The following MYH4 variants were observed in gnomAD, a reference collection of about 807,000 sequenced individuals.
The protein encoded by MYH4 is myosin heavy chain 4.
In MYH4, 200 loss-of-function variants were observed where a neutral mutation model predicts 229.9. That is an observed-to-expected ratio of 0.87 (90% CI 0.78 to 0.98). The LOEUF is 0.98. Among genes scored for constraint, MYH4 ranks in the 50% least tolerant of loss-of-function variants. MYH4 has a pLI of 0.00. For synonymous variants in MYH4, 761 were observed against 834.6 expected, an observed-to-expected ratio of 0.91 and a Z score of 1.52; for missense variants, 2,148 against 2,332.6, an observed-to-expected ratio of 0.92 and a Z score of 1.63.
intron 25 of MYH4, 80 bp from the exon 26 acceptor site, chr17:10,452,586 T>C (rs1228416683): frequency 7.1e-7 from 1 of 1,403,920 alleles, no homozygotes; most frequent in South Asian, 1.2e-5. Flanking sequence ...AGACTTTTTT[T>C]ATACTGCTGG....
Position 10,460,260 on chromosome 17 carries a change from G to T in MYH4, c.1209C>A (p.Cys403Ter). ...LNSADLLKSL[C>*]YPRVKVGNEF... ...CATTGCCGACCTTGACTCTGGGATA[G>T]CAGAGAGATTTGAGCAGGTCAGCAG... The change falls in exon 13 of 40, where the codon TGC (cysteine) becomes TGA (stop). Residue 403 changes from cysteine (C) to a stop codon, truncating the protein, a stop_gained. Transcript: ENST00000255381. LOFTEE classifies it high-confidence loss of function. The T allele has an allele frequency of 6.2e-7, 1 of 1,614,120 alleles. No homozygotes were observed. The highest frequency in any genetic ancestry group is 8.5e-7 in the Non-Finnish European group (1 of 1,179,950).
In MYH4 at chr17:10,459,214, G is replaced by A. The variant is rs575496885; in HGVS notation, c.1587+37C>T. Reference sequence around the variant, plus strand: ...TAAGCACAGGGAGGCAAGCAATTTGGTTTTCATGTTTTGAAAGCTAGAAAA... The same window carrying A: ...TAAGCACAGGGAGGCAAGCAATTTGATTTTCATGTTTTGAAAGCTAGAAAA... On this transcript the variant is annotated intron_variant, in intron 15 of 39. Transcript: ENST00000255381. 2.5e-6 allele frequency: 4 copies of A among 1,613,890 alleles called. No individual in the cohort carries two copies. The East Asian group carries it at 8.9e-5, about 36-fold the overall frequency.
intron 8 of MYH4, 48 bp downstream of exon 8, chr17:10,463,503 A>G (rs757792365): frequency 6.3e-7 from 1 of 1,579,256 alleles, no homozygotes; most frequent in South Asian, 1.1e-5. Context: ...CCACATGCAC[A>G]CAAGAATCAG....
chr17:10,468,699 G>A (rs1281115105), intron 2 of MYH4, among the ~76,000 whole-genome samples: 2 of 152,180 alleles, frequency 1.3e-5, no homozygotes, highest in African/African-American at 4.8e-5. Context: ...GGCAAGAGCT[G>A]GAAGGACCTT....
intron 33 of MYH4, 59 bp from the exon 34 acceptor site, chr17:10,448,185 A>T (rs1463580791): frequency 6.7e-7 from 1 of 1,490,110 alleles, no homozygotes; most frequent in East Asian, 2.3e-5. Context: ...CTTTCACATT[A>T]TGATAATTTC....
chr17:10,445,273 G>A lies in MYH4; in HGVS notation c.5259C>T (p.Arg1753=). ...CCTTCTTGGCCTTCTCCTCTGCATT[G>A]CGGGCTTCCTGGACGATGTCCTCCA... The part of the protein sequence containing the change: ...GEMEDIVQEA[R]NAEEKAKKAI... The change falls in exon 36 of 40, where the codon CGC becomes CGT. Residue 1753 remains arginine, a synonymous_variant. Coordinates refer to ENST00000255381, the MANE Select transcript of MYH4 (RefSeq NM_017533.2). 4 of 1,614,018 alleles carry A rather than the reference G, an allele frequency of 2.5e-6. No homozygotes were observed. The highest frequency in any genetic ancestry group is 3.4e-6 in the Non-Finnish European group (4 of 1,180,034).
chr17:10,460,473 A>AT (rs1313332917), intron 12 of MYH4, 152 bp from the exon 13 acceptor site: 12 of 655,896 alleles, frequency 1.8e-5, no homozygotes, highest in Non-Finnish European at 2.8e-5. Context: ...CCTCAAAAGC[A>AT]TTGCCACCAC....
chr17:10,446,941 A>T, intron 35 of MYH4, 72 bp downstream of exon 35: 1 of 1,474,930 alleles, frequency 6.8e-7, no homozygotes. Flanking sequence ...TTACTTTATA[A>T]ACAAGCTTAT....
chr17:10,468,890 A>C (rs1385532771), intron 2 of MYH4, among the ~76,000 whole-genome samples: 2 of 152,228 alleles, frequency 1.3e-5, no homozygotes, highest in Non-Finnish European at 2.9e-5. Flanking sequence ...AAGATACATA[A>C]AGGCTAACTG....
intron 34 of MYH4, among the ~76,000 whole-genome samples, chr17:10,447,486 G>T (rs1221778082): frequency 3.9e-5 from 6 of 152,134 alleles, no homozygotes; most frequent in Non-Finnish European, 7.3e-5. Flanking sequence ...TTAGACTTCA[G>T]CGAGTCCAGT....
intron 4 of MYH4, 66 bp downstream of exon 4, chr17:10,466,207 A>C: frequency 6.4e-7 from 1 of 1,567,472 alleles, no homozygotes. Context: ...GAAACCCCTT[A>C]ATTTATTTTA....
intron 7 of MYH4, 132 bp from the exon 8 acceptor site, chr17:10,463,775 A>G: frequency 5.9e-6 from 4 of 672,866 alleles, no homozygotes; most frequent in Non-Finnish European, 9.5e-6. Flanking sequence ...AATGAGTTAA[A>G]AAGAAGGTAA....
chr17:10,464,794 T>C (rs1235843178), intron 5 of MYH4, 86 bp from the exon 6 acceptor site: 3 of 1,342,074 alleles, frequency 2.2e-6, no homozygotes, highest in Non-Finnish European at 3.1e-6. Context: ...AAAATTGTCT[T>C]TTAAAACTCC....
rs975764653 is a variant in MYH4 at position 10,467,804 on chromosome 17, G to A, written c.-39-1020C>T. Among the ~76,000 whole-genome samples, 3 of 152,134 alleles carry A rather than the reference G, an allele frequency of 2.0e-5. No homozygotes were observed. The South Asian group carries it at 6.2e-4, about 32-fold the overall frequency. On this transcript the variant is annotated intron_variant, in intron 2 of 39. Transcript: ENST00000255381. ...TTTTCCCTACTGACAAATTAATTAT[G>A]AGAAAATAAAATAAGTCCTGCTGTC... is the stretch of plus-strand genomic sequence containing the variant.
Position 10,445,047 on chromosome 17 carries a change from G to A in MYH4, c.5395C>T (p.Leu1799Phe), listed in dbSNP as rs749083591. The A allele has an allele frequency of 6.2e-7, 1 of 1,614,152 alleles. No homozygotes were observed. Among genetic ancestry groups the A allele is most frequent in the Admixed American group, 1.7e-5 (1 of 60,024 alleles). Reference protein sequence around the residue: ...NMEQTVKDLQLRLDEAEQLAL... With the variant: ...NMEQTVKDLQFRLDEAEQLAL... ...AGCTGCTCAGCCTCATCCAGACGGA[G>A]CTGCAGATCCTTCACGGTCTGCTCC... The change falls in exon 37 of 40, where the codon CTC (leucine) becomes TTC (phenylalanine). Residue 1799 changes from leucine to phenylalanine, a missense_variant. By Grantham distance (22) the Leu-to-Phe change is conservative (BLOSUM62 0). Coordinates refer to ENST00000255381, the MANE Select transcript of MYH4 (RefSeq NM_017533.2).
chr17:10,454,387 A>G (rs2072613988), intron 22 of MYH4, among the ~76,000 whole-genome samples, 168 bp downstream of exon 22: 1 of 152,248 alleles, frequency 6.6e-6, no homozygotes, highest in Non-Finnish European at 1.5e-5. Context: ...GAATGCACAT[A>G]TGAACGTGTG....
chr17:10,450,990 G>A, intron 28 of MYH4, 95 bp from the exon 29 acceptor site: 1 of 1,099,348 alleles, frequency 9.1e-7, no homozygotes. Flanking sequence ...TATTTCATAT[G>A]ATGAAAAAAC....
chr17:10,460,777 C>T (rs1355575856), intron 12 of MYH4, 139 bp downstream of exon 12: 1 of 818,594 alleles, frequency 1.2e-6, no homozygotes, highest in Non-Finnish European at 1.9e-6. Flanking sequence ...TGTAAAACGT[C>T]AGGCAGTGTG....
chr17:10,461,972 C>T (rs1040876049), intron 11 of MYH4, among the ~76,000 whole-genome samples: 3 of 152,114 alleles, frequency 2.0e-5, no homozygotes, highest in Non-Finnish European at 4.4e-5. Context: ...TTTTTAACCT[C>T]GCAGACCAGG....
Sources: gnomAD v4.1 joint callset for allele counts (sites outside exome capture counted in the v4.1 genomes callset) on GRCh38, gnomAD v4.1.1 for gene constraint, MANE v1.5 for transcripts, NCBI Gene and HGNC (gene_info 2026-07-23, HGNC 2026-07-21) for gene names.